GGA1: variants seen among roughly 807,000 people sequenced by gnomAD.
The protein encoded by GGA1 is ADP-ribosylation factor-binding protein GGA1.
In GGA1, 18 loss-of-function variants were observed where a neutral mutation model predicts 76.9. That is an observed-to-expected ratio of 0.23 (90% CI 0.16 to 0.35). The LOEUF (loss-of-function observed/expected upper bound fraction) is 0.35. GGA1 is among the 10% of genes least tolerant of loss of function. The pLI, the probability that GGA1 is intolerant of heterozygous loss-of-function variation, is 1.00. For synonymous variants in GGA1, 342 were observed against 354.7 expected (o/e 0.96, Z 0.40); for missense variants, 755 against 859.0 (o/e 0.88, Z 1.51).
chr22:37,621,180 C>T (rs1176456934), intron 6 of GGA1, among the ~76,000 whole-genome samples: 1 of 152,194 alleles, frequency 6.6e-6, no homozygotes, highest in Non-Finnish European at 1.5e-5. Flanking sequence ...AAGAATTTCA[C>T]TAATTTTTTG....
chr22:37,625,108 C>A lies in GGA1; in HGVS notation c.940+32C>A, dbSNP rs1410185912. 1 of 1,544,914 alleles carries A rather than the reference C, an allele frequency of 6.5e-7. No homozygotes were observed. The highest frequency in any genetic ancestry group is 1.2e-5 in the South Asian group (1 of 84,646). On this transcript the variant is annotated intron_variant, in intron 10 of 16. Transcript: ENST00000343632. This position sits in a 1 kb window ranked among gnomAD's most constrained non-coding sequence, Gnocchi z 4.1. ...AGGTGGCAGGAGAGCTGGGAGGGCA[C>A]CCATCAGGCTGGAGGGGCACAGAGA...
chr22:37,622,954 T>C (rs556791246), intron 7 of GGA1, among the ~76,000 whole-genome samples: 1 of 152,328 alleles, frequency 6.6e-6, no homozygotes, highest in African/African-American at 2.4e-5. Context: ...CCTTGCACTA[T>C]GAAGTACAGG....
At chr22:37,626,175 G>C in intron 11 of GGA1, 1 of 390,048 alleles carries the variant, frequency 2.6e-6, no homozygotes, top group Non-Finnish European at 4.5e-6. Flanking sequence ...CCTCTAAGCC[G>C]GCCTCGGATA....
At chr22:37,613,253 T>G (rs1297540228) in intron 1 of GGA1, 1 of 763,114 alleles carries the variant, frequency 1.3e-6, no homozygotes, top group Non-Finnish European at 1.6e-6. Context: ...ACCCGCATCT[T>G]TCCTGCCCAT....
In GGA1 at chr22:37,632,746, A is replaced by C. The variant is rs1932049365; in HGVS notation, c.*35A>C. 8 of 1,263,436 alleles carry C rather than the reference A, an allele frequency of 6.3e-6. No individual in the cohort carries two copies. The East Asian group carries it at 2.0e-4, about 31-fold the overall frequency. 78.3% of individuals were successfully genotyped at this position (1,263,436 alleles called of 1,614,324 possible). On this transcript the variant is annotated 3_prime_UTR_variant, in exon 17 of 17. Transcript: ENST00000343632. The surrounding 1 kb of genome is among the most constrained non-coding windows in gnomAD (Gnocchi z 5.1). Reference sequence around the variant, plus strand: ...GCTGGGGAGAGGAAGGGGCAGAGGGACCGGTCACTGTCCAGCCTGGAGGGA... The same window carrying C: ...GCTGGGGAGAGGAAGGGGCAGAGGGCCCGGTCACTGTCCAGCCTGGAGGGA...
At chr22:37,617,102 A>G in intron 3 of GGA1, 105 bp downstream of exon 3, 1 of 1,539,254 alleles carries the variant, frequency 6.5e-7, no homozygotes, top group East Asian at 2.5e-5. Flanking sequence ...AGCCCAAGAG[A>G]GTTGTGCTAA....
Position 37,624,898 on chromosome 22 carries a change from G to C in GGA1, c.833-71G>C. On this transcript the variant is annotated intron_variant, in intron 9 of 16. Transcript: ENST00000343632. The surrounding 1 kb of genome is among the most constrained non-coding windows in gnomAD (Gnocchi z 4.3). ...ACACACAGGCTGTGATGGATGTGGGGTCCTCGTCCCCTGCCGCCCAGAGGC... is the reference window on the plus strand; with the variant it reads ...ACACACAGGCTGTGATGGATGTGGGCTCCTCGTCCCCTGCCGCCCAGAGGC... 1 of 1,525,418 alleles carries C rather than the reference G, an allele frequency of 6.6e-7. No homozygotes were observed. The highest frequency in any genetic ancestry group is 8.8e-7 in the Non-Finnish European group (1 of 1,130,518). The allele number at this position is 1,525,418 out of a possible 1,614,324, so 94.5% of individuals were successfully genotyped here.
chr22:37,628,484 T>C (rs11913727), intron 11 of GGA1, among the ~76,000 whole-genome samples: 5,497 of 152,306 alleles, frequency 0.036, 325 homozygotes, highest in African/African-American at 0.12. Context: ...TGCCACTTTC[T>C]AGCTGTGTGT....
intron 11 of GGA1, chr22:37,626,281 A>G (rs1045010564): frequency 9.4e-5 from 19 of 201,728 alleles, no homozygotes; most frequent in African/African-American, 6.9e-5. Flanking sequence ...TCTGGGCAAA[A>G]GTTCAGCAGT....
chr22:37,631,884 C>T, intron 14 of GGA1, 112 bp from the exon 15 acceptor site: 6 of 857,004 alleles, frequency 7.0e-6, no homozygotes, highest in Non-Finnish European at 1.1e-5. Flanking sequence ...GAGGACTTTG[C>T]TCTTGTTGCC....
In GGA1 at chr22:37,623,628, C is replaced by A. The variant is rs558600566; in HGVS notation, c.827C>A (p.Ala276Asp). The A allele has an allele frequency of 1.3e-6, 2 of 1,576,350 alleles. No individual in the cohort carries two copies. Among genetic ancestry groups the A allele is most frequent in the Non-Finnish European group, 1.7e-6 (2 of 1,159,972 alleles). ...LASDTEDNDE[A>D]LAEILQANDN... is the part of the protein sequence containing the mutation. Reference sequence around the variant, plus strand: ...AGTGACACAGAGGACAATGATGAGGCCTTAGGTGAGCCCAGGGCAGGTGCT... The same window carrying A: ...AGTGACACAGAGGACAATGATGAGGACTTAGGTGAGCCCAGGGCAGGTGCT... Residue 276 changes from alanine to aspartate, a missense_variant, in exon 9 of 17, where the codon GCC (alanine) becomes GAC (aspartate). Physicochemically the swap from Ala to Asp is moderately radical, Grantham distance 126. Transcript: ENST00000343632. The surrounding 1 kb of genome is among the most constrained non-coding windows in gnomAD (Gnocchi z 4.6).
intron 2 of GGA1, among the ~76,000 whole-genome samples, chr22:37,615,443 C>A (rs766022673): frequency 6.6e-6 from 1 of 151,184 alleles, no homozygotes; most frequent in African/African-American, 2.4e-5. Context: ...AGTGAAACTC[C>A]GTCTCAAAAA....
Position 37,623,353 on chromosome 22 carries a change from G to A in GGA1, c.636G>A (p.Ser212=), listed in dbSNP as rs375685398. Residue 212 remains serine, a synonymous_variant, in exon 8 of 17, where the codon TCG becomes TCA. Coordinates refer to ENST00000343632, the MANE Select transcript of GGA1 (RefSeq NM_013365.5). The surrounding 1 kb of genome is among the most constrained non-coding windows in gnomAD (Gnocchi z 4.6). ...QEDQKRMEKI[S]KRVNAIEEVN... ...ACCAGAAGCGGATGGAGAAGATCTCGAAGAGGGTGAATGCCATCGAGGAGG... is the reference window on the plus strand; with the variant it reads ...ACCAGAAGCGGATGGAGAAGATCTCAAAGAGGGTGAATGCCATCGAGGAGG... 58 of 1,614,020 alleles carry A rather than the reference G, an allele frequency of 3.6e-5. No individual in the cohort carries two copies. Among genetic ancestry groups the A allele is most frequent in the African/African-American group, 2.4e-4 (18 of 75,044 alleles).
In GGA1 at chr22:37,617,368, G is replaced by A. The variant is rs181399794; in HGVS notation, c.204+371G>A. The A allele has an allele frequency of 1.2e-4, 130 of 1,127,134 alleles. No homozygotes were observed. The African/African-American group carries it at 2.0e-3, about 17-fold the overall frequency. The allele number at this position is 1,127,134 out of a possible 1,614,324, so 69.8% of individuals were successfully genotyped here. On this transcript the variant is annotated intron_variant, in intron 3 of 16. Coordinates refer to ENST00000343632, the MANE Select transcript of GGA1 (RefSeq NM_013365.5). ...AGTATCTGCATCCAGAGATCTGCACGTTTGTAAAGCTAAGGGGTGGTGCTT... is the reference window on the plus strand; with the variant it reads ...AGTATCTGCATCCAGAGATCTGCACATTTGTAAAGCTAAGGGGTGGTGCTT...
At position 37,631,117 on chromosome 22, in the gene GGA1, A is replaced by G; in HGVS notation, c.1528+18A>G. ...CAAACCCAGTGAGTAGGGCTGGGGC[A>G]GGTGCAGGCTGGGTTGGGTCAGCTT... On this transcript the variant is annotated intron_variant, in intron 14 of 16. Transcript: ENST00000343632. 1 of 1,532,918 alleles carries G rather than the reference A, an allele frequency of 6.5e-7. No homozygotes were observed. The allele number at this position is 1,532,918 out of a possible 1,614,324, so 95.0% of individuals were successfully genotyped here.
At chr22:37,613,117 A>T (rs1436672695) in intron 1 of GGA1, 2 of 985,346 alleles carry the variant, frequency 2.0e-6, no homozygotes, top group Non-Finnish European at 2.4e-6. Flanking sequence ...TACCCTGGGC[A>T]GGAGTAGAGG....
Position 37,623,805 on chromosome 22 carries a change from C to T in GGA1, c.832+172C>T, listed in dbSNP as rs1166821557. ...CTCTCTGAGGACACAGAGCAGGGGC[C>T]GCCCCCCTGTTGAGAGGCCCTGTGG... is the stretch of plus-strand genomic sequence containing the variant. On this transcript the variant is annotated intron_variant, in intron 9 of 16. Transcript: ENST00000343632. This position sits in a 1 kb window ranked among gnomAD's most constrained non-coding sequence, Gnocchi z 4.6. The T allele has an allele frequency of 6.7e-6, 4 of 592,908 alleles. No individual in the cohort carries two copies. The highest frequency in any genetic ancestry group is 1.9e-5 in the African/African-American group (1 of 53,256). The allele number at this position is 592,908 out of a possible 1,614,324, so 36.7% of individuals were successfully genotyped here. A position where few individuals can be genotyped will look rare whatever the true frequency, so the allele number is the denominator to read the frequency against.
chr22:37,620,367 G>A lies in GGA1; in HGVS notation c.427+6G>A. 1 of 1,613,906 alleles carries A rather than the reference G, an allele frequency of 6.2e-7. No individual in the cohort carries two copies. The highest frequency in any genetic ancestry group is 2.2e-5 in the East Asian group (1 of 44,880). On this transcript the variant is annotated splice_donor_region_variant and intron_variant, in intron 5 of 16. Coordinates refer to ENST00000343632, the MANE Select transcript of GGA1 (RefSeq NM_013365.5). ...CCAGATGCTAAAGAAGCAGGGTGAG[G>A]CACACAGAGGGTGGGGGGCGACCAG...
At chr22:37,620,955 G>A (rs1191781834) in intron 6 of GGA1, 42 bp downstream of exon 6, 7 of 1,171,854 alleles carry the variant, frequency 6.0e-6, no homozygotes, top group Non-Finnish European at 9.0e-6. Flanking sequence ...CTGAGCCCAG[G>A]TGGGGGTCCG....
Sources: gnomAD v4.1 joint callset for allele counts (sites outside exome capture counted in the v4.1 genomes callset) on GRCh38, gnomAD v4.1.1 for gene constraint, Gnocchi (gnomAD v3.1) non-coding constraint, MANE v1.5 for transcripts, NCBI Gene and HGNC (gene_info 2026-07-23, HGNC 2026-07-21) for gene names.